The following GNA14 variants were observed in gnomAD, a reference collection of about 807,000 sequenced individuals.
GNA14 encodes G protein subunit alpha 14.
Under a neutral mutation model 42.0 loss-of-function variants are expected in GNA14, and 50 were observed. The observed-to-expected ratio is 1.19, with a 90% confidence interval of 0.95 to 1.51. The LOEUF (loss-of-function observed/expected upper bound fraction) is 1.51. Among genes scored for constraint, GNA14 ranks in the 40% most tolerant of loss-of-function variants. The pLI is 0.00. For missense variants in GNA14, 473 were observed against 446.2 expected, an observed-to-expected ratio of 1.06 and a Z score of -0.54; for synonymous variants, 173 against 163.1, an observed-to-expected ratio of 1.06 and a Z score of -0.46.
intron 2 of GNA14, among the ~76,000 whole-genome samples, chr9:77,509,922 A>G (rs1564036264): frequency 1.3e-5 from 2 of 152,236 alleles, no homozygotes; most frequent in East Asian, 3.8e-4. Context: ...AGTGGGAACG[A>G]CACATCACTA....
At chr9:77,642,469 T>C (rs998433699) in intron 1 of GNA14, among the ~76,000 whole-genome samples, 1 of 152,098 alleles carries the variant, frequency 6.6e-6, no homozygotes, top group Non-Finnish European at 1.5e-5. Context: ...ACATAACTGG[T>C]TAAAATAAAA....
intron 1 of GNA14, among the ~76,000 whole-genome samples, chr9:77,530,417 C>T (rs1837509899): frequency 6.6e-6 from 1 of 152,204 alleles, no homozygotes; most frequent in African/African-American, 2.4e-5. Flanking sequence ...CAGATGTCAG[C>T]ATCATGCTTC....
At chr9:77,509,298 G>A (rs1837121864) in intron 2 of GNA14, among the ~76,000 whole-genome samples, 1 of 152,108 alleles carries the variant, frequency 6.6e-6, no homozygotes, top group African/African-American at 2.4e-5. Context: ...TTTTGAGGCC[G>A]AATCATATTC....
intron 1 of GNA14, among the ~76,000 whole-genome samples, chr9:77,628,765 G>A (rs1824051718): frequency 6.6e-6 from 1 of 151,984 alleles, no homozygotes; most frequent in South Asian, 2.1e-4. Flanking sequence ...TTAAACATAA[G>A]ACCTAAAACC....
chr9:77,462,377 T>G (rs1232981240), intron 2 of GNA14, among the ~76,000 whole-genome samples: 2 of 152,160 alleles, frequency 1.3e-5, no homozygotes, highest in African/African-American at 4.8e-5. Context: ...GCTGACGGTA[T>G]GCTCCCCCTT....
rs1835410978 is a variant in GNA14, at chr9:77,423,794, T to C, written c.*185A>G. 2.6e-6 allele frequency: 1 copy of C among 383,172 alleles called. No individual in the cohort carries two copies. The highest frequency in any genetic ancestry group is 1.4e-4 in the South Asian group (1 of 7,322). The allele number at this position is 383,172 out of a possible 1,614,324, so 23.7% of individuals were successfully genotyped here. ...AACACAATTTGGGATGTAAGGACTT[T>C]TAAAGTATGTTGGTAAACTCAAATA... On this transcript the variant is annotated 3_prime_UTR_variant, in exon 7 of 7. Coordinates refer to ENST00000341700, the MANE Select transcript of GNA14 (RefSeq NM_004297.4).
intron 1 of GNA14, among the ~76,000 whole-genome samples, chr9:77,553,735 A>G (rs1011961780): frequency 1.3e-5 from 2 of 152,196 alleles, no homozygotes; most frequent in African/African-American, 4.8e-5. Context: ...TTGCATCACC[A>G]TCATTCAAAG....
chr9:77,556,862 T>C (rs983527184), intron 1 of GNA14, among the ~76,000 whole-genome samples: 2 of 152,216 alleles, frequency 1.3e-5, no homozygotes, highest in African/African-American at 4.8e-5. Context: ...TTGGGGAGGA[T>C]GCACTTTCTT....
At chr9:77,441,644 T>C (rs1047564599) in intron 2 of GNA14, among the ~76,000 whole-genome samples, 2 of 151,774 alleles carry the variant, frequency 1.3e-5, no homozygotes, top group Non-Finnish European at 2.9e-5. Context: ...TTTCCAACTT[T>C]TGTAAAAGCA....
chr9:77,578,884 T>A, intron 1 of GNA14, among the ~76,000 whole-genome samples: 1 of 152,170 alleles, frequency 6.6e-6, no homozygotes, highest in East Asian at 1.9e-4. Context: ...GATCCAGTCT[T>A]CATTAATGAT....
At chr9:77,557,321 G>A (rs1265578544) in intron 1 of GNA14, among the ~76,000 whole-genome samples, 2 of 152,216 alleles carry the variant, frequency 1.3e-5, no homozygotes, top group African/African-American at 2.4e-5. Flanking sequence ...AATTGCCAGA[G>A]CCAGACACAT....
chr9:77,493,024 A>ATAT (rs1424877123), intron 2 of GNA14, among the ~76,000 whole-genome samples: 248 of 73,290 alleles, frequency 3.4e-3, no homozygotes, highest in South Asian at 7.4e-3. Context: ...AAAAAAAAAA[A>ATAT]AAATATATAT....
At chr9:77,620,950 T>A (rs1313414353) in intron 1 of GNA14, among the ~76,000 whole-genome samples, 1 of 152,092 alleles carries the variant, frequency 6.6e-6, no homozygotes, top group Non-Finnish European at 1.5e-5. Context: ...TTATTTATTT[T>A]GAGACAGGGT....
At chr9:77,449,317 TTG>T (rs1259014889) in intron 2 of GNA14, among the ~76,000 whole-genome samples, 1 of 152,178 alleles carries the variant, frequency 6.6e-6, no homozygotes, top group African/African-American at 2.4e-5. Flanking sequence ...GGGTATCCCT[TTG>T]TTAAGTGATG....
intron 1 of GNA14, among the ~76,000 whole-genome samples, chr9:77,611,407 A>C (rs886081543): frequency 3.9e-5 from 6 of 152,198 alleles, no homozygotes; most frequent in Non-Finnish European, 5.9e-5. Context: ...TAGGAAACTA[A>C]ATCTTTTATA....
chr9:77,572,786 A>G (rs1823079193), intron 1 of GNA14, among the ~76,000 whole-genome samples: 2 of 152,206 alleles, frequency 1.3e-5, no homozygotes, highest in Admixed American at 6.5e-5. Flanking sequence ...ACATTTTTAA[A>G]TCAGGTCAGG....
At chr9:77,598,750 C>A (rs993083395) in intron 1 of GNA14, among the ~76,000 whole-genome samples, 3 of 152,130 alleles carry the variant, frequency 2.0e-5, no homozygotes, top group African/African-American at 7.2e-5. Flanking sequence ...CAGCTGGTTT[C>A]TGGGAAAAGA....
chr9:77,447,491 T>G (rs1379706185), intron 2 of GNA14, among the ~76,000 whole-genome samples: 3 of 152,198 alleles, frequency 2.0e-5, no homozygotes, highest in African/African-American at 7.2e-5. Context: ...TTTTTCAGTT[T>G]CTTTCCTTTA....
intron 1 of GNA14, among the ~76,000 whole-genome samples, chr9:77,552,332 A>C (rs925246433): frequency 1.3e-5 from 2 of 152,096 alleles, no homozygotes; most frequent in African/African-American, 4.8e-5. Flanking sequence ...CAAATCTGAG[A>C]AAATAATCTG....
Sources: gnomAD v4.1 joint callset for allele counts (sites outside exome capture counted in the v4.1 genomes callset) on GRCh38, gnomAD v4.1.1 for gene constraint, MANE v1.5 for transcripts, NCBI Gene and HGNC (gene_info 2026-07-23, HGNC 2026-07-21) for gene names.